PIGZ: variants seen among roughly 807,000 people sequenced by gnomAD.
PIGZ encodes phosphatidylinositol glycan anchor biosynthesis class Z (Gwada blood group).
PIGZ carries 16 observed loss-of-function variants against 16.4 expected under a neutral mutation model. That is an observed-to-expected ratio of 0.97 (90% CI 0.66 to 1.48). The LOEUF (loss-of-function observed/expected upper bound fraction) is 1.48. Ranked by LOEUF, PIGZ falls within the 40% of genes most tolerant of loss-of-function variation. PIGZ has a pLI of 0.00. For synonymous variants in PIGZ, 409 were observed against 338.4 expected, an observed-to-expected ratio of 1.21 and a Z score of -2.29; for missense variants, 770 against 739.2, an observed-to-expected ratio of 1.04 and a Z score of -0.48.
rs1236162925 is a variant in PIGZ, at chr3:196,965,041, T to C, written c.-1+3646A>G. Among the ~76,000 whole-genome samples, 1 of 152,124 alleles carries C rather than the reference T, an allele frequency of 6.6e-6. No homozygotes were observed. The highest frequency in any genetic ancestry group is 1.5e-5 in the Non-Finnish European group (1 of 68,026). ...ACACAGGGCAGCCCAAAAGAACTCA[T>C]CACCTTCCCTGGAATGAGCCCTGTC... On this transcript the variant is annotated intron_variant, in intron 1 of 2. Transcript: ENST00000412723. The surrounding 1 kb of genome is among the most constrained non-coding windows in gnomAD (Gnocchi z 4.2).
chr3:196,948,804 CTG>C (rs1374452819), intron 2 of PIGZ, 119 bp from the exon 3 acceptor site: 3 of 663,594 alleles, frequency 4.5e-6, no homozygotes, highest in Non-Finnish European at 7.0e-6. Context: ...ATCCCTGGGA[CTG>C]TGCACGGGCT....
chr3:196,966,180 T>C (rs1052619628), intron 1 of PIGZ, among the ~76,000 whole-genome samples: 4 of 152,190 alleles, frequency 2.6e-5, no homozygotes, highest in Non-Finnish European at 5.9e-5. Flanking sequence ...AATACGCTAA[T>C]AACATGGAGG....
intron 1 of PIGZ, among the ~76,000 whole-genome samples, chr3:196,960,642 C>G (rs539110434): frequency 9.3e-5 from 14 of 150,156 alleles, no homozygotes; most frequent in African/African-American, 3.4e-4. Context: ...GCACTCCATC[C>G]TGGGCGATAG....
At chr3:196,962,615 C>T (rs1717763277) in intron 1 of PIGZ, among the ~76,000 whole-genome samples, 1 of 151,110 alleles carries the variant, frequency 6.6e-6, no homozygotes, top group South Asian at 2.1e-4. Context: ...GAAAACCGCC[C>T]TATGGCTGGA....
In PIGZ at chr3:196,947,681, G is replaced by A. The variant is rs777793796; in HGVS notation, c.1216C>T (p.Gln406Ter). ...CCCTTCCAAGGCACAGGCTGCGTCT[G>A]TGGACTACAAAGCAGGACCAGGGGG... is the stretch of plus-strand genomic sequence containing the variant. Reference protein sequence around the residue: ...LVPLVLLCSPQTQPVPWKGTV... With the variant: ...LVPLVLLCSP The change falls in exon 3 of 3, where the codon CAG (glutamine) becomes TAG (stop). Residue 406 changes from glutamine (Q) to a stop codon, truncating the protein, a stop_gained. Transcript: ENST00000412723. LOFTEE classifies it high-confidence loss of function. 2 of 1,612,828 alleles carry A rather than the reference G, an allele frequency of 1.2e-6. No individual in the cohort carries two copies. Among genetic ancestry groups the A allele is most frequent in the Non-Finnish European group, 1.7e-6 (2 of 1,179,310 alleles).
intron 1 of PIGZ, among the ~76,000 whole-genome samples, chr3:196,963,112 G>C (rs191992937): frequency 2.0e-5 from 3 of 152,202 alleles, no homozygotes; most frequent in African/African-American, 7.2e-5. Context: ...TGGTTCGTCC[G>C]TGTTGTAGCA....
rs1358145692 is a variant in PIGZ at position 196,948,148 on chromosome 3, C to A, written c.749G>T (p.Gly250Val). Residue 250 changes from glycine (G) to valine (V), a missense_variant, in exon 3 of 3, where the codon GGT becomes GTT. By Grantham distance (109) the Gly-to-Val change is moderately radical. Coordinates refer to ENST00000412723, the MANE Select transcript of PIGZ (RefSeq NM_025163.4). ...GGCCTCCCGGGTCAGAGACTTCAAACCAGGGTTTGTGGCTCCACGAGTGCC... is the reference window on the plus strand; with the variant it reads ...GGCCTCCCGGGTCAGAGACTTCAAAACAGGGTTTGTGGCTCCACGAGTGCC... ...LWGTRGATNP[G>V]LKSLTREALV... The A allele has an allele frequency of 1.9e-6, 3 of 1,610,490 alleles. No individual in the cohort carries two copies. Among genetic ancestry groups the A allele is most frequent in the Non-Finnish European group, 2.5e-6 (3 of 1,177,826 alleles).
At chr3:196,960,554 C>T (rs1717668221) in intron 1 of PIGZ, among the ~76,000 whole-genome samples, 1 of 151,842 alleles carries the variant, frequency 6.6e-6, no homozygotes, top group African/African-American at 2.4e-5. Context: ...CACCTGTAAT[C>T]CCAGCTACTC....
At chr3:196,968,209 G>T (rs554427377) in intron 1 of PIGZ, among the ~76,000 whole-genome samples, 6 of 152,346 alleles carry the variant, frequency 3.9e-5, no homozygotes, top group African/African-American at 1.4e-4. Flanking sequence ...CAGCCCCCGA[G>T]GCCGGGAGCC....
intron 1 of PIGZ, among the ~76,000 whole-genome samples, chr3:196,958,962 C>T (rs1250278053): frequency 4.6e-5 from 7 of 152,130 alleles, no homozygotes; most frequent in South Asian, 4.1e-4. Flanking sequence ...AACTACTATG[C>T]GGGAACTTGT....
chr3:196,955,362 G>C (rs1195392155), intron 1 of PIGZ, among the ~76,000 whole-genome samples: 1 of 151,958 alleles, frequency 6.6e-6, no homozygotes, highest in Non-Finnish European at 1.5e-5. Context: ...GTTCATTTTT[G>C]AAGCTATATT....
rs984826720 is a variant in PIGZ at position 196,947,720 on chromosome 3, T to C, written c.1177A>G (p.Ile393Val). The C allele has an allele frequency of 5.0e-6, 8 of 1,612,892 alleles. No individual in the cohort carries two copies. The highest frequency in any genetic ancestry group is 6.8e-6 in the Non-Finnish European group (8 of 1,179,544). Residue 393 changes from isoleucine (I) to valine (V), a missense_variant, in exon 3 of 3, where the codon ATT becomes GTT. By Grantham distance (29) the Ile-to-Val change is conservative. Coordinates refer to ENST00000412723, the MANE Select transcript of PIGZ (RefSeq NM_025163.4). ...AFSHQEARFL[I>V]PLLVPLVLLC... is the part of the protein sequence containing the mutation. ...AGGACCAGGGGGACCAGGAGGGGAA[T>C]CAGGAACCGAGCCTCCTGGTGGCTA... is the stretch of plus-strand genomic sequence containing the variant.
chr3:196,950,230 C>T (rs921675499), intron 2 of PIGZ, among the ~76,000 whole-genome samples: 2 of 152,212 alleles, frequency 1.3e-5, no homozygotes, highest in African/African-American at 4.8e-5. Flanking sequence ...GGTGATCCAC[C>T]CGCCTCAGCC....
intron 1 of PIGZ, among the ~76,000 whole-genome samples, chr3:196,956,830 T>C (rs1380443845): frequency 6.6e-6 from 1 of 152,160 alleles, no homozygotes; most frequent in Admixed American, 6.5e-5. Context: ...TGCTCTTTTG[T>C]GATATTTTCA....
rs2568871 is a variant in PIGZ, at chr3:196,965,846, T to G, written c.-1+2841A>C. Among the ~76,000 whole-genome samples the G allele has an allele frequency of 0.59, 89,199 of 151,844 alleles. 26,733 individuals are homozygous for G. Among genetic ancestry groups the G allele is most frequent in the East Asian group, 0.85 (4,365 of 5,162 alleles). On this transcript the variant is annotated intron_variant, in intron 1 of 2. Transcript: ENST00000412723. This position sits in a 1 kb window ranked among gnomAD's most constrained non-coding sequence, Gnocchi z 4.2. ...AGATGGTAAGAAGCATGACCTGGAG[T>G]AGACTGCACCGCCATCCGCCTCTCC...
chr3:196,967,956 T>C (rs1033404365), intron 1 of PIGZ, among the ~76,000 whole-genome samples: 7 of 152,178 alleles, frequency 4.6e-5, no homozygotes, highest in African/African-American at 1.7e-4. Flanking sequence ...TAGTTCTCAG[T>C]TTTCCGAGGC....
At position 196,948,099 on chromosome 3, in the gene PIGZ, G is replaced by A. The variant is rs61729252; in HGVS notation, c.798C>T (p.Ala266=). 4,316 of 1,590,554 alleles carry A rather than the reference G, an allele frequency of 2.7e-3. 89 individuals carry two copies. In the African/African-American group the frequency reaches 0.05, roughly 18 times the overall value. ...TGGCCACAAACACCGCTGCTGTGAG[G>A]GCTGCCCCAGGGAGCAGCACCAGGG... ...REALVLLPGA[A]LTAAVFVATD... Residue 266 remains alanine, a synonymous_variant, in exon 3 of 3, where the codon GCC becomes GCT. Coordinates refer to ENST00000412723, the MANE Select transcript of PIGZ (RefSeq NM_025163.4).
At chr3:196,967,365 A>C (rs1717974065) in intron 1 of PIGZ, among the ~76,000 whole-genome samples, 1 of 152,150 alleles carries the variant, frequency 6.6e-6, no homozygotes, top group Non-Finnish European at 1.5e-5. Context: ...TCATTCCAAG[A>C]AAGGTCCGTA....
At chr3:196,951,184 G>A (rs770938096) in intron 2 of PIGZ, among the ~76,000 whole-genome samples, 1 of 152,224 alleles carries the variant, frequency 6.6e-6, no homozygotes, top group Non-Finnish European at 1.5e-5. Context: ...TTCAAAATAT[G>A]ACCTTAAAGA....
Sources: gnomAD v4.1 joint callset for allele counts (sites outside exome capture counted in the v4.1 genomes callset) on GRCh38, gnomAD v4.1.1 for gene constraint, Gnocchi (gnomAD v3.1) non-coding constraint, MANE v1.5 for transcripts, NCBI Gene and HGNC (gene_info 2026-07-23, HGNC 2026-07-21) for gene names.